The following DYNC1LI2 variants were observed in gnomAD, a reference collection of about 807,000 sequenced individuals.
DYNC1LI2 encodes dynein cytoplasmic 1 light intermediate chain 2.
A neutral mutation model predicts 57.8 loss-of-function variants in DYNC1LI2; 19 were observed. That is an observed-to-expected ratio of 0.33 (90% CI 0.23 to 0.48). DYNC1LI2 has a LOEUF of 0.48. Ranked by LOEUF, DYNC1LI2 falls within the 20% of genes least tolerant of loss-of-function variation. DYNC1LI2 has a pLI of 0.99. For synonymous variants in DYNC1LI2, 256 were observed against 233.4 expected, an observed-to-expected ratio of 1.10 and a Z score of -0.88; for missense variants, 470 against 604.2, an observed-to-expected ratio of 0.78 and a Z score of 2.33.
intron 2 of DYNC1LI2, 63 bp from the exon 3 acceptor site, chr16:66,749,376 G>GT: frequency 6.8e-7 from 1 of 1,462,618 alleles, no homozygotes; most frequent in Non-Finnish European, 9.6e-7. Flanking sequence ...GGGGAGGCAT[G>GT]ACACTCACAT....
intron 5 of DYNC1LI2, among the ~76,000 whole-genome samples, chr16:66,735,235 G>A (rs2017713247): frequency 6.6e-6 from 1 of 150,944 alleles, no homozygotes. Flanking sequence ...CCGAGTAGCT[G>A]GGATGACAGG....
chr16:66,738,523 T>C (rs2017778805), intron 4 of DYNC1LI2, among the ~76,000 whole-genome samples: 1 of 151,914 alleles, frequency 6.6e-6, no homozygotes, highest in Non-Finnish European at 1.5e-5. Context: ...GTGCTGGGAT[T>C]ACAGGCGTGA....
chr16:66,749,548 C>T (rs1231543476), intron 2 of DYNC1LI2, among the ~76,000 whole-genome samples: 1 of 152,152 alleles, frequency 6.6e-6, no homozygotes, highest in Non-Finnish European at 1.5e-5. Flanking sequence ...CTGCAGTTAT[C>T]CTTACTTCAA....
rs2017448445 is a variant in DYNC1LI2 at position 66,721,339 on chromosome 16, TTTTTA to T, written c.*2378_*2382del. 1 of 152,600 alleles carries T rather than the reference TTTTTA, an allele frequency of 6.6e-6. No individual in the cohort carries two copies. Among genetic ancestry groups the T allele is most frequent in the Non-Finnish European group, 1.5e-5 (1 of 68,022 alleles). The allele number at this position is 152,600 out of a possible 1,614,324, so 9.5% of individuals were successfully genotyped here. On this transcript the variant is annotated 3_prime_UTR_variant, in exon 13 of 13. Coordinates refer to ENST00000258198, the MANE Select transcript of DYNC1LI2 (RefSeq NM_006141.3). ...AAGGTGGGCTTTTCTCTGATTTTTT[TTTTTA>T]TTTTAAAGACAAAAAGCAGATGTAA...
chr16:66,724,747 C>T (rs1431642761), intron 12 of DYNC1LI2: 1 of 152,238 alleles, frequency 6.6e-6, no homozygotes, highest in East Asian at 1.9e-4. Context: ...GAGGCCTTGA[C>T]TCTGCAGTGA....
intron 3 of DYNC1LI2, among the ~76,000 whole-genome samples, chr16:66,746,196 T>C (rs1382557951): frequency 1.3e-5 from 2 of 152,050 alleles, no homozygotes; most frequent in African/African-American, 4.8e-5. Context: ...ACAGGCATGG[T>C]TCCTTTTTTC....
At position 66,734,252 on chromosome 16, in the gene DYNC1LI2, A is replaced by G. The variant is rs1394640697; in HGVS notation, c.759T>C (p.Phe253=). ...EHDYRDEHLD[F]IQSHLRRFCL... is the part of the protein sequence containing the mutation. ...AGAACCTCCGCAGGTGTGACTGGAT[A>G]AAGTCCAAATGCTCATCCCTGTAAT... The change falls in exon 6 of 13, where the codon TTT becomes TTC. Residue 253 remains phenylalanine, a synonymous_variant. Coordinates refer to ENST00000258198, the MANE Select transcript of DYNC1LI2 (RefSeq NM_006141.3). 5 of 1,614,172 alleles carry G rather than the reference A, an allele frequency of 3.1e-6. No individual in the cohort carries two copies. Among genetic ancestry groups the G allele is most frequent in the East Asian group, 2.2e-5 (1 of 44,880 alleles).
chr16:66,727,049 A>C (rs7191357), intron 11 of DYNC1LI2, among the ~76,000 whole-genome samples: 76,629 of 151,672 alleles, frequency 0.51, 20,237 homozygotes, highest in African/African-American at 0.64. Context: ...ACTTGAGTAG[A>C]TGGGACTACA....
At chr16:66,747,081 C>A (rs372300500) in intron 3 of DYNC1LI2, among the ~76,000 whole-genome samples, 8 of 106,144 alleles carry the variant, frequency 7.5e-5, no homozygotes, top group Non-Finnish European at 1.3e-4. Context: ...ATGCCCTCAA[C>A]ATTTTTTTTT....
At position 66,751,186 on chromosome 16, in the gene DYNC1LI2, G is replaced by A; in HGVS notation, c.181+87C>T. On this transcript the variant is annotated intron_variant, in intron 2 of 12. Transcript: ENST00000258198. This position sits in a 1 kb window ranked among gnomAD's most constrained non-coding sequence, Gnocchi z 5.2. ...CCCGCCAGGCTGCGGGCAGGCGGCTGGAACGGGGAAGGCGGGGACCTGAGG... is the reference window on the plus strand; with the variant it reads ...CCCGCCAGGCTGCGGGCAGGCGGCTAGAACGGGGAAGGCGGGGACCTGAGG... The A allele has an allele frequency of 6.9e-7, 1 of 1,441,612 alleles. No individual in the cohort carries two copies. Among genetic ancestry groups the A allele is most frequent in the Non-Finnish European group, 9.4e-7 (1 of 1,067,348 alleles). The allele number at this position is 1,441,612 out of a possible 1,614,324, so 89.3% of individuals were successfully genotyped here. A position where few individuals can be genotyped will look rare whatever the true frequency, so the allele number is the denominator to read the frequency against.
At chr16:66,745,201 A>G (rs992521072) in intron 3 of DYNC1LI2, among the ~76,000 whole-genome samples, 8 of 148,074 alleles carry the variant, frequency 5.4e-5, no homozygotes, top group African/African-American at 1.5e-4. Flanking sequence ...CGTGCCCGGC[A>G]GAACTATGTT....
chr16:66,751,203 G>A lies in DYNC1LI2; in HGVS notation c.181+70C>T. 2.0e-6 allele frequency: 3 copies of A among 1,521,182 alleles called. No homozygotes were observed. The highest frequency in any genetic ancestry group is 1.9e-5 in the Admixed American group (1 of 53,808). The allele number at this position is 1,521,182 out of a possible 1,614,324, so 94.2% of individuals were successfully genotyped here. On this transcript the variant is annotated intron_variant, in intron 2 of 12. Coordinates refer to ENST00000258198, the MANE Select transcript of DYNC1LI2 (RefSeq NM_006141.3). The surrounding 1 kb of genome is among the most constrained non-coding windows in gnomAD (Gnocchi z 5.2). ...AGGCGGCTGGAACGGGGAAGGCGGG[G>A]ACCTGAGGGAGGGGCGCCCGCCTCG...
rs536599705 is a variant in DYNC1LI2 at position 66,742,570 on chromosome 16, C to T, written c.397G>A (p.Val133Ile). The change falls in exon 4 of 13, where the codon GTC becomes ATC. Residue 133 changes from valine (V) to isoleucine (I), a missense_variant. Transcript: ENST00000258198. The part of the protein sequence containing the change: ...VSAESLPETL[V>I]IFVADMSRPW... ...CTAGACATGTCTGCAACAAAAATGACGAGGGTCTCTGGCAAGGATTCAGCA... is the reference window on the plus strand; with the variant it reads ...CTAGACATGTCTGCAACAAAAATGATGAGGGTCTCTGGCAAGGATTCAGCA... 15 of 1,614,068 alleles carry T rather than the reference C, an allele frequency of 9.3e-6. No individual in the cohort carries two copies. The highest frequency in any genetic ancestry group is 6.6e-5 in the South Asian group (6 of 91,078).
At chr16:66,740,180 T>G (rs930234815) in intron 4 of DYNC1LI2, among the ~76,000 whole-genome samples, 2 of 152,188 alleles carry the variant, frequency 1.3e-5, no homozygotes, top group Non-Finnish European at 2.9e-5. Flanking sequence ...AGATGATCCC[T>G]GCAGCCAAAC....
intron 3 of DYNC1LI2, among the ~76,000 whole-genome samples, chr16:66,745,991 T>C (rs1383383594): frequency 6.6e-6 from 1 of 152,214 alleles, no homozygotes; most frequent in Admixed American, 6.5e-5. Context: ...ACCTATCTTT[T>C]ATTAACTTTT....
chr16:66,733,999 C>A, intron 6 of DYNC1LI2: 1 of 469,472 alleles, frequency 2.1e-6, no homozygotes, highest in Non-Finnish European at 3.8e-6. Flanking sequence ...CATCTTAAAA[C>A]AAACAAACAA....
In DYNC1LI2 at chr16:66,734,445, GAA is replaced by G. The variant is rs1211994053; in HGVS notation, c.700-136_700-135del. ...GCTCAGGGTCCAAGCATTAATTAGA[GAA>G]GAGTAAAAAAGAACCGGAGATTTTT... On this transcript the variant is annotated intron_variant, in intron 5 of 12. Coordinates refer to ENST00000258198, the MANE Select transcript of DYNC1LI2 (RefSeq NM_006141.3). 3.7e-6 allele frequency: 3 copies of G among 817,844 alleles called. No homozygotes were observed. In the East Asian group the frequency reaches 8.3e-5, roughly 23 times the overall value. 50.7% of individuals were successfully genotyped at this position (817,844 alleles called of 1,614,324 possible). A position where few individuals can be genotyped will look rare whatever the true frequency, so the allele number is the denominator to read the frequency against.
At chr16:66,736,011 A>G (rs2017726764) in intron 5 of DYNC1LI2, 64 bp downstream of exon 5, 2 of 1,554,408 alleles carry the variant, frequency 1.3e-6, no homozygotes, top group Non-Finnish European at 1.7e-6. Context: ...CAGTTTCTCA[A>G]ACTTTCAGAT....
intron 3 of DYNC1LI2, among the ~76,000 whole-genome samples, chr16:66,744,480 G>C (rs2017900209): frequency 6.6e-6 from 1 of 152,178 alleles, no homozygotes; most frequent in African/African-American, 2.4e-5. Context: ...AAGATGTAAT[G>C]AAACGTGGTT....
Sources: allele counts gnomAD v4.1 joint callset (sites outside exome capture counted in the v4.1 genomes callset), GRCh38; gene constraint gnomAD v4.1.1; non-coding constraint Gnocchi (gnomAD v3.1); transcripts MANE v1.5; gene names NCBI Gene and HGNC (gene_info 2026-07-23, HGNC 2026-07-21).